CDH4: variants seen among roughly 807,000 people sequenced by gnomAD.
The protein encoded by CDH4 is cadherin-4.
CDH4 carries 33 observed loss-of-function variants against 86.0 expected under a neutral mutation model. The observed-to-expected ratio is 0.38, with a 90% CI of 0.29 to 0.51. CDH4 has a LOEUF of 0.51. Among genes scored for constraint, CDH4 ranks in the 20% least tolerant of loss-of-function variants. The pLI is 0.86. For synonymous variants in CDH4, 555 were observed against 549.4 expected (o/e 1.01, Z -0.14); for missense variants, 1,114 against 1,307.4 (o/e 0.85, Z 2.28).
chr20:61,506,438 T>A (rs2085741973), intron 2 of CDH4, among the ~76,000 whole-genome samples: 1 of 152,258 alleles, frequency 6.6e-6, no homozygotes, highest in South Asian at 2.1e-4. Flanking sequence ...GGGATCTATT[T>A]GGTAAAAGAA....
At chr20:61,715,410 G>A (rs1683721372) in intron 2 of CDH4, among the ~76,000 whole-genome samples, 1 of 152,190 alleles carries the variant, frequency 6.6e-6, no homozygotes, top group African/African-American at 2.4e-5. Context: ...CTAAGGCCAT[G>A]GCTTTGGCAC....
intron 2 of CDH4, among the ~76,000 whole-genome samples, chr20:61,473,169 A>T (rs891638891): frequency 2.6e-5 from 4 of 152,232 alleles, no homozygotes; most frequent in African/African-American, 4.8e-5. Context: ...TATCTCTCAG[A>T]TATAATAGGT....
At chr20:61,726,126 C>T (rs1010292848) in intron 2 of CDH4, among the ~76,000 whole-genome samples, 7 of 151,992 alleles carry the variant, frequency 4.6e-5, no homozygotes, top group Non-Finnish European at 4.4e-5. Flanking sequence ...TGGGGATAGT[C>T]TCGGGGGGGA....
intron 2 of CDH4, among the ~76,000 whole-genome samples, chr20:61,529,638 G>A (rs950530281): frequency 1.3e-5 from 2 of 152,170 alleles, no homozygotes; most frequent in Non-Finnish European, 1.5e-5. Flanking sequence ...TGTTTCATAC[G>A]TTTCTGTTGA....
In CDH4 at chr20:61,254,870, G is replaced by C. The variant is rs144256547; in HGVS notation, c.102G>C (p.Gly34=). 1.2e-6 allele frequency: 2 copies of C among 1,613,322 alleles called. No homozygotes were observed. The highest frequency in any genetic ancestry group is 3.3e-5 in the Admixed American group (2 of 60,022). The change falls in exon 2 of 16, where the codon GGG becomes GGC. Residue 34 remains glycine, a synonymous_variant. Transcript: ENST00000614565. ...CAACTAGAGAGACCTGCAAGGCTGG[G>C]TTCTCTGAAGATGATTACACGGCAT... ...DLTTRETCKA[G]FSEDDYTALI...
rs1174710717 is a variant in CDH4 at position 61,377,727 on chromosome 20, A to G, written c.169+122790A>G. Among the ~76,000 whole-genome samples the G allele has an allele frequency of 6.6e-6, 1 of 152,214 alleles. No individual in the cohort carries two copies. The highest frequency in any genetic ancestry group is 1.5e-5 in the Non-Finnish European group (1 of 68,042). On this transcript the variant is annotated intron_variant, in intron 2 of 15. Transcript: ENST00000614565. This position sits in a 1 kb window ranked among gnomAD's most constrained non-coding sequence, Gnocchi z 4.0. ...GTGCCATAACCACTGGCTCCAAGCA[A>G]TTCTTCAGTGCTGTGTAAAGGGTAC... is the stretch of plus-strand genomic sequence containing the variant.
At chr20:61,268,800 G>A (rs1443459724) in intron 2 of CDH4, among the ~76,000 whole-genome samples, 1 of 152,164 alleles carries the variant, frequency 6.6e-6, no homozygotes, top group Non-Finnish European at 1.5e-5. Flanking sequence ...AGAAGCAGAT[G>A]CCAGTGCCAT....
chr20:61,889,783 G>T (rs530243461), intron 7 of CDH4, among the ~76,000 whole-genome samples: 1 of 149,862 alleles, frequency 6.7e-6, no homozygotes, highest in Non-Finnish European at 1.5e-5. Flanking sequence ...ATGATGGATG[G>T]GTGAGTGGAT....
chr20:61,667,037 A>G (rs576691198), intron 2 of CDH4, among the ~76,000 whole-genome samples: 70 of 152,276 alleles, frequency 4.6e-4, no homozygotes, highest in Non-Finnish European at 6.5e-4. Context: ...GTCTGTATGG[A>G]CCGTGCCCTT....
Position 61,504,736 on chromosome 20 carries a change from C to T in CDH4, c.170-238827C>T, listed in dbSNP as rs970216428. On this transcript the variant is annotated intron_variant, in intron 2 of 15. Transcript: ENST00000614565. Reference sequence around the variant, plus strand: ...TGCCACATGCAAATCTGACTAATGGCCTAAATTGGTACCAGAAGAACAATT... The same window carrying T: ...TGCCACATGCAAATCTGACTAATGGTCTAAATTGGTACCAGAAGAACAATT... Among the ~76,000 whole-genome samples, 4 of 152,298 alleles carry T rather than the reference C, an allele frequency of 2.6e-5. No homozygotes were observed. In the South Asian group the frequency reaches 8.3e-4, roughly 32 times the overall value.
intron 2 of CDH4, among the ~76,000 whole-genome samples, chr20:61,650,978 C>T (rs932898376): frequency 1.3e-5 from 2 of 152,254 alleles, no homozygotes; most frequent in Non-Finnish European, 2.9e-5. Context: ...GGTTTTAACC[C>T]ATGGCGTGCA....
intron 2 of CDH4, among the ~76,000 whole-genome samples, chr20:61,410,397 T>C (rs1455623764): frequency 1.3e-5 from 2 of 150,482 alleles, no homozygotes; most frequent in African/African-American, 2.4e-5. Flanking sequence ...CATCTGTCAA[T>C]CATCCATCTA....
intron 4 of CDH4, among the ~76,000 whole-genome samples, chr20:61,789,207 A>C (rs1018889129): frequency 1.3e-5 from 2 of 152,210 alleles, no homozygotes; most frequent in Non-Finnish European, 2.9e-5. Context: ...CTACGGATGC[A>C]TCTGCACCTG....
rs149365666 is a variant in CDH4 at position 61,480,881 on chromosome 20, T to A, written c.169+225944T>A. ...GCTGTGCATTAGGTCTGCTCCTACA[T>A]GCATTGCCCTCACATGGATTTGTGC... On this transcript the variant is annotated intron_variant, in intron 2 of 15. Coordinates refer to ENST00000614565, the MANE Select transcript of CDH4 (RefSeq NM_001794.5). This position sits in a 1 kb window ranked among gnomAD's most constrained non-coding sequence, Gnocchi z 5.2. 0.013 allele frequency among the ~76,000 whole-genome samples: 1,932 copies of A among 152,358 alleles called. 7 individuals carry two copies. The highest frequency in any genetic ancestry group is 0.022 in the African/African-American group (926 of 41,594).
chr20:61,282,909 G>A (rs1240203555), intron 2 of CDH4, among the ~76,000 whole-genome samples: 4 of 102,034 alleles, frequency 3.9e-5, no homozygotes, highest in Admixed American at 1.9e-4. Flanking sequence ...GTGCTGTGGC[G>A]TGTGTGATGT....
At chr20:61,548,313 G>A (rs1335329533) in intron 2 of CDH4, among the ~76,000 whole-genome samples, 1 of 152,182 alleles carries the variant, frequency 6.6e-6, no homozygotes, top group Admixed American at 6.5e-5. Context: ...CCAGGCTGAG[G>A]CTCGGGCAGG....
intron 2 of CDH4, among the ~76,000 whole-genome samples, chr20:61,410,898 C>T (rs944655257): frequency 6.6e-6 from 1 of 151,428 alleles, no homozygotes; most frequent in African/African-American, 2.4e-5. Flanking sequence ...CTGATCTCTC[C>T]ATCTATTCAT....
intron 2 of CDH4, among the ~76,000 whole-genome samples, chr20:61,401,834 A>G (rs796078829): frequency 1.8e-4 from 28 of 152,336 alleles, no homozygotes; most frequent in African/African-American, 6.7e-4. Flanking sequence ...CCCTGCAGTC[A>G]TCTGCTGGAA....
In CDH4 at chr20:61,565,222, A is replaced by AGGTGGTGGT. The variant is rs1228602020; in HGVS notation, c.170-178329_170-178321dup. 7.5e-4 allele frequency among the ~76,000 whole-genome samples: 8 copies of AGGTGGTGGT among 10,708 alleles called. No individual in the cohort carries two copies. In the South Asian group the frequency reaches 0.015, roughly 20 times the overall value. 7.0% of individuals were successfully genotyped at this position (10,708 alleles called of 152,430 possible). On this transcript the variant is annotated intron_variant, in intron 2 of 15. Transcript: ENST00000614565. ...TGGTGGTCGCGGTGCTCTCGGTGGT[A>AGGTGGTGGT]GGTGGTGGTGGTGGTGGTGGCGGTG...
Sources: allele counts gnomAD v4.1 joint callset (sites outside exome capture counted in the v4.1 genomes callset), GRCh38; gene constraint gnomAD v4.1.1; non-coding constraint Gnocchi (gnomAD v3.1); transcripts MANE v1.5; gene names NCBI Gene and HGNC (gene_info 2026-07-23, HGNC 2026-07-21).